The following RNF2 variants were observed in gnomAD, a reference collection of about 807,000 sequenced individuals.
The protein encoded by RNF2 is E3 ubiquitin-protein ligase RING2.
In RNF2, 6 loss-of-function variants were observed where a neutral mutation model predicts 37.2. The ratio of observed to expected loss-of-function variants is 0.16; its 90% confidence interval spans 0.09 to 0.32. RNF2 has a LOEUF of 0.32. RNF2 is among the 10% of genes least tolerant of loss of function. The pLI, the probability that RNF2 is intolerant of heterozygous loss-of-function variation, is 1.00. For missense variants in RNF2, 251 were observed against 404.0 expected (o/e 0.62, Z 3.25); for synonymous variants, 133 against 132.7 (o/e 1.00, Z -0.02).
chr1:185,097,951 G>C (rs909331051), intron 4 of RNF2, 121 bp from the exon 5 acceptor site: 47 of 1,019,644 alleles, frequency 4.6e-5, no homozygotes, highest in Non-Finnish European at 6.0e-5. Flanking sequence ...ATCCAACTCA[G>C]AGTAAATTCA....
At chr1:185,073,982 A>G (rs1651066396) in intron 1 of RNF2, among the ~76,000 whole-genome samples, 2 of 152,182 alleles carry the variant, frequency 1.3e-5, no homozygotes, top group African/African-American at 4.8e-5. Context: ...TGCCTCATGT[A>G]CTTCTGACCA....
chr1:185,074,988 T>G lies in RNF2; in HGVS notation c.-2-12564T>G, dbSNP rs567344388. Among the ~76,000 whole-genome samples the G allele has an allele frequency of 5.3e-5, 8 of 152,174 alleles. No homozygotes were observed. In the East Asian group the frequency reaches 1.5e-3, roughly 29 times the overall value. ...GGACGACTATATATAGTTCCGTGTGTGTGTGTGTGTTATTTATTTATTTTT... is the reference window on the plus strand; with the variant it reads ...GGACGACTATATATAGTTCCGTGTGGGTGTGTGTGTTATTTATTTATTTTT... On this transcript the variant is annotated intron_variant, in intron 1 of 6. Transcript: ENST00000367510.
rs561629860 is a variant in RNF2 at position 185,066,034 on chromosome 1, A to G, written c.-3+20385A>G. Among the ~76,000 whole-genome samples the G allele has an allele frequency of 1.1e-4, 16 of 150,488 alleles. No individual in the cohort carries two copies. In the East Asian group the frequency reaches 1.2e-3, roughly 11 times the overall value. ...TTCTTTCCTTCCTTTGTCATTTCCT[A>G]TATCCCATGTATTGTTATTTTTGAG... On this transcript the variant is annotated intron_variant, in intron 1 of 6. Coordinates refer to ENST00000367510, the MANE Select transcript of RNF2 (RefSeq NM_007212.4).
chr1:185,062,782 A>G (rs917728998), intron 1 of RNF2, among the ~76,000 whole-genome samples: 5 of 151,936 alleles, frequency 3.3e-5, no homozygotes, highest in African/African-American at 1.2e-4. Flanking sequence ...AAAACCTGAC[A>G]GAAATGGATA....
rs1225968424 is a variant in RNF2 at position 185,101,823 on chromosome 1, T to C, written c.*1522T>C. On this transcript the variant is annotated 3_prime_UTR_variant, in exon 7 of 7. Coordinates refer to ENST00000367510, the MANE Select transcript of RNF2 (RefSeq NM_007212.4). ...TTTATGGAAAATATTTAAAATCTGT[T>C]TTTACAGGGTTTTTTTTTTTTTTTT... 7.1e-6 allele frequency: 1 copy of C among 141,752 alleles called. No individual in the cohort carries two copies. The highest frequency in any genetic ancestry group is 1.5e-5 in the Non-Finnish European group (1 of 66,416). The allele number at this position is 141,752 out of a possible 1,614,324, so 8.8% of individuals were successfully genotyped here. A position where few individuals can be genotyped will look rare whatever the true frequency, so the allele number is the denominator to read the frequency against.
intron 1 of RNF2, among the ~76,000 whole-genome samples, chr1:185,074,783 A>T (rs1470110108): frequency 6.6e-6 from 1 of 152,128 alleles, no homozygotes; most frequent in Non-Finnish European, 1.5e-5. Context: ...TAGCGTTTAC[A>T]TTGTATTGAG....
chr1:185,065,167 G>T (rs1650763313), intron 1 of RNF2, among the ~76,000 whole-genome samples: 1 of 152,108 alleles, frequency 6.6e-6, no homozygotes, highest in South Asian at 2.1e-4. Context: ...TTACCAATCA[G>T]CCCTCTGTGT....
At chr1:185,059,437 A>G (rs938486710) in intron 1 of RNF2, among the ~76,000 whole-genome samples, 3 of 152,322 alleles carry the variant, frequency 2.0e-5, no homozygotes, top group African/African-American at 2.4e-5. Flanking sequence ...TACCGAGTCC[A>G]TATCACCTTC....
chr1:185,062,218 C>A (rs546718793), intron 1 of RNF2, among the ~76,000 whole-genome samples: 52 of 152,104 alleles, frequency 3.4e-4, no homozygotes, highest in Admixed American at 1.6e-3. Flanking sequence ...TTGCCATGTT[C>A]ATATTTTGTA....
chr1:185,099,051 CTT>C (rs1345375710), intron 5 of RNF2, among the ~76,000 whole-genome samples: 34 of 124,622 alleles, frequency 2.7e-4, no homozygotes, highest in Admixed American at 6.6e-4. Flanking sequence ...TGCCCGGCCT[CTT>C]TTTTTTTTTT....
intron 2 of RNF2, among the ~76,000 whole-genome samples, chr1:185,088,426 C>T (rs1265310018): frequency 2.0e-5 from 3 of 151,894 alleles, no homozygotes; most frequent in Non-Finnish European, 4.4e-5. Flanking sequence ...CATGGTGGCA[C>T]GTGCCTGTAG....
Position 185,100,902 on chromosome 1 carries a change from G to GT in RNF2, c.*612dup, listed in dbSNP as rs569329788. On this transcript the variant is annotated 3_prime_UTR_variant, in exon 7 of 7. Transcript: ENST00000367510. ...AACTTAGTGTCCATTGTCATGCAAT[G>GT]TTTTTTTTTTTCCATTCTTTTTCCC... 0.019 allele frequency: 2,776 copies of GT among 145,754 alleles called. 48 individuals are homozygous for GT. Among genetic ancestry groups the GT allele is most frequent in the East Asian group, 0.064 (325 of 5,054 alleles). 9.0% of individuals were successfully genotyped at this position (145,754 alleles called of 1,614,324 possible).
In RNF2 at chr1:185,067,744, T is replaced by C. The variant is rs56110440; in HGVS notation, c.-2-19808T>C. ...TTTTTTTTTTGAGACGGAGTCTTGCTCTGTTGCCCAGGCTGGAGTGCAGTG... is the reference window on the plus strand; with the variant it reads ...TTTTTTTTTTGAGACGGAGTCTTGCCCTGTTGCCCAGGCTGGAGTGCAGTG... On this transcript the variant is annotated intron_variant, in intron 1 of 6. Coordinates refer to ENST00000367510, the MANE Select transcript of RNF2 (RefSeq NM_007212.4). Among the ~76,000 whole-genome samples the C allele has an allele frequency of 7.5e-3, 1,098 of 146,220 alleles. 12 individuals are homozygous for C. Among genetic ancestry groups the C allele is most frequent in the African/African-American group, 0.026 (1,004 of 38,830 alleles).
intron 1 of RNF2, among the ~76,000 whole-genome samples, chr1:185,080,565 G>A (rs1190918392): frequency 2.6e-5 from 4 of 152,140 alleles, no homozygotes; most frequent in Admixed American, 6.5e-5. Context: ...GTACTATCTG[G>A]TAAGGTAGCA....
intron 1 of RNF2, among the ~76,000 whole-genome samples, chr1:185,050,836 A>G (rs1411081178): frequency 3.3e-5 from 5 of 152,256 alleles, no homozygotes; most frequent in Non-Finnish European, 7.3e-5. Flanking sequence ...TTTGATGGCT[A>G]AATAAAATTC....
At chr1:185,083,379 C>T (rs995127403) in intron 1 of RNF2, among the ~76,000 whole-genome samples, 1 of 152,032 alleles carries the variant, frequency 6.6e-6, no homozygotes, top group Admixed American at 6.6e-5. Flanking sequence ...TTATAAGTCC[C>T]GTATTTTGTT....
chr1:185,058,453 A>C (rs1032399900), intron 1 of RNF2, among the ~76,000 whole-genome samples: 6 of 152,178 alleles, frequency 3.9e-5, no homozygotes, highest in Non-Finnish European at 7.3e-5. Flanking sequence ...TCTTAAGAGG[A>C]ATGTAGACCC....
chr1:185,083,910 CTTTTTT>C (rs765301806), intron 1 of RNF2, among the ~76,000 whole-genome samples: 1 of 121,390 alleles, frequency 8.2e-6, no homozygotes, highest in African/African-American at 3.1e-5. Context: ...CCTGGCCTAC[CTTTTTT>C]TTTTTTTTTT....
chr1:185,056,266 T>G lies in RNF2; in HGVS notation c.-3+10617T>G, dbSNP rs1650430824. Among the ~76,000 whole-genome samples the G allele has an allele frequency of 3.3e-5, 5 of 152,326 alleles. No homozygotes were observed. The South Asian group carries it at 8.3e-4, about 25-fold the overall frequency. ...TTGTTCTGAAAGCTTTTGGGTAATCTTTGGAATAATTGATTTAGGAAAATT... is the reference window on the plus strand; with the variant it reads ...TTGTTCTGAAAGCTTTTGGGTAATCGTTGGAATAATTGATTTAGGAAAATT... On this transcript the variant is annotated intron_variant, in intron 1 of 6. Coordinates refer to ENST00000367510, the MANE Select transcript of RNF2 (RefSeq NM_007212.4).
Sources: allele counts gnomAD v4.1 joint callset (sites outside exome capture counted in the v4.1 genomes callset), GRCh38; gene constraint gnomAD v4.1.1; transcripts MANE v1.5; gene names NCBI Gene and HGNC (gene_info 2026-07-23, HGNC 2026-07-21).